CRYBG2: variants seen among roughly 807,000 people sequenced by gnomAD.
CRYBG2 encodes the protein crystallin beta-gamma domain containing 2, also known as beta/gamma crystallin domain-containing protein 2.
In CRYBG2, 106 loss-of-function variants were observed where a neutral mutation model predicts 153.4. That is an observed-to-expected ratio of 0.69 (90% CI 0.59 to 0.81). The LOEUF (loss-of-function observed/expected upper bound fraction) is 0.81. Ranked by LOEUF, CRYBG2 falls within the 30% of genes least tolerant of loss-of-function variation. CRYBG2 has a pLI of 0.00. For synonymous variants in CRYBG2, 851 were observed against 877.8 expected (o/e 0.97, Z 0.54); for missense variants, 1,996 against 2,112.0 (o/e 0.95, Z 1.08).
In CRYBG2 at chr1:26,325,217, A is replaced by T. The variant is rs1235923603; in HGVS notation, c.4579-907T>A. On this transcript the variant is annotated intron_variant, in intron 17 of 19. Transcript: ENST00000308182. This position sits in a 1 kb window ranked among gnomAD's most constrained non-coding sequence, Gnocchi z 4.1. ...ACTACACAAATATCCTTATACAAAG[A>T]TACACACACTGTCAATGGTGTCACA... The T allele has an allele frequency of 6.6e-6, 1 of 152,210 alleles. No homozygotes were observed. Among genetic ancestry groups the T allele is most frequent in the Non-Finnish European group, 1.5e-5 (1 of 68,036 alleles). 9.4% of individuals were successfully genotyped at this position (152,210 alleles called of 1,614,324 possible).
At position 26,346,088 on chromosome 1, in the gene CRYBG2, C is replaced by A; in HGVS notation, c.570G>T (p.Arg190=). The A allele has an allele frequency of 6.3e-7, 1 of 1,578,214 alleles. No homozygotes were observed. The part of the protein sequence containing the change: ...TTTVVGGHVD[R]RMSSSVTVRP... ...TCACAGTCACAGAGCTGCTCATCCG[C>A]CGGTCCACATGACCTCCCACCACTG... The change falls in exon 2 of 20, where the codon CGG becomes CGT. Residue 190 remains arginine, a synonymous_variant. Coordinates refer to ENST00000308182, the MANE Select transcript of CRYBG2 (RefSeq NM_001039775.4). This position sits in a 1 kb window ranked among gnomAD's most constrained non-coding sequence, Gnocchi z 4.9.
chr1:26,323,880 A>G (rs2073889015), intron 18 of CRYBG2, among the ~76,000 whole-genome samples: 1 of 152,162 alleles, frequency 6.6e-6, no homozygotes, highest in Non-Finnish European at 1.5e-5. Context: ...GCCTGGCCAA[A>G]TCTACCATTA....
In CRYBG2 at chr1:26,344,904, C is replaced by A. The variant is rs2074187257; in HGVS notation, c.1754G>T (p.Gly585Val). 2 of 1,536,788 alleles carry A rather than the reference C, an allele frequency of 1.3e-6. No individual in the cohort carries two copies. The highest frequency in any genetic ancestry group is 2.0e-5 in the Admixed American group (1 of 50,878). ...LSTTPKEVVK[G>V]PGAPAASSPT... ...CGATGAGGCAGCAGGAGCACCAGGGCCCTTCACAACCTCTTTTGGGGTGGT... is the reference window on the plus strand; with the variant it reads ...CGATGAGGCAGCAGGAGCACCAGGGACCTTCACAACCTCTTTTGGGGTGGT... The change falls in exon 2 of 20, where the codon GGC (glycine) becomes GTC (valine). Residue 585 changes from glycine (G) to valine (V), a missense_variant. Gly to Val is a moderately radical substitution (Grantham distance 109). Coordinates refer to ENST00000308182, the MANE Select transcript of CRYBG2 (RefSeq NM_001039775.4).
In CRYBG2 at chr1:26,336,926, C is replaced by T. The variant is rs149736171; in HGVS notation, c.3826G>A (p.Gly1276Ser). 43 of 1,613,000 alleles carry T rather than the reference C, an allele frequency of 2.7e-5. No homozygotes were observed. Among genetic ancestry groups the T allele is most frequent in the Admixed American group, 5.0e-5 (3 of 59,860 alleles). Reference protein sequence around the residue: ...LFEAMDFEGHGVEVSKALPDV... With the variant: ...LFEAMDFEGHSVEVSKALPDV... ...GGCAATGCCTTGCTCACCTCCACGC[C>T]GTGCCCCTCGAAGTCCATGGCCTCA... The change falls in exon 11 of 20, where the codon GGC (glycine) becomes AGC (serine). Residue 1276 changes from glycine to serine, a missense_variant. Gly to Ser is a moderately conservative substitution (Grantham distance 56). Transcript: ENST00000308182. This position sits in a 1 kb window ranked among gnomAD's most constrained non-coding sequence, Gnocchi z 4.9.
intron 15 of CRYBG2, among the ~76,000 whole-genome samples, chr1:26,330,424 A>G (rs1408310799): frequency 6.6e-6 from 1 of 151,798 alleles, no homozygotes; most frequent in African/African-American, 2.4e-5. Context: ...GTTACCAACT[A>G]TGTGACCTGG....
intron 15 of CRYBG2, among the ~76,000 whole-genome samples, chr1:26,330,363 A>G (rs1319033206): frequency 6.6e-6 from 1 of 152,070 alleles, no homozygotes; most frequent in Admixed American, 6.6e-5. Flanking sequence ...TGTCATTGCA[A>G]GGGACTTGGA....
chr1:26,331,662 C>T (rs1345505721), intron 14 of CRYBG2, 44 bp from the exon 15 acceptor site: 1 of 1,604,058 alleles, frequency 6.2e-7, no homozygotes, highest in East Asian at 2.2e-5. Context: ...CCTACCTGTC[C>T]TTGGCCTGCC....
intron 1 of CRYBG2, among the ~76,000 whole-genome samples, chr1:26,350,796 G>A (rs1004088261): frequency 3.3e-5 from 5 of 151,986 alleles, no homozygotes; most frequent in African/African-American, 9.7e-5. Flanking sequence ...TGTTCAGCCC[G>A]AGTCTTTGGG....
chr1:26,321,979 G>T lies in CRYBG2; in HGVS notation c.4975C>A (p.His1659Asn). The change falls in exon 20 of 20, where the codon CAC becomes AAC. Residue 1659 changes from histidine to asparagine, a missense_variant. Transcript: ENST00000308182. Reference protein sequence around the residue: ...EDRASQIWTIHVL With the variant: ...EDRASQIWTINVL Reference sequence around the variant, plus strand: ...TGAGGGGAAAAGTTTCAAAGCACGTGGATAGTCCAGATCTGGGATGCCCTG... The same window carrying T: ...TGAGGGGAAAAGTTTCAAAGCACGTTGATAGTCCAGATCTGGGATGCCCTG... The T allele has an allele frequency of 6.3e-7, 1 of 1,586,978 alleles. No homozygotes were observed. The highest frequency in any genetic ancestry group is 8.6e-7 in the Non-Finnish European group (1 of 1,160,488).
chr1:26,336,511 G>GTCC lies in CRYBG2; in HGVS notation c.4038+92_4038+94dup, dbSNP rs1477279604. 8 of 1,545,280 alleles carry GTCC rather than the reference G, an allele frequency of 5.2e-6. No homozygotes were observed. The highest frequency in any genetic ancestry group is 7.0e-6 in the Non-Finnish European group (8 of 1,144,120). On this transcript the variant is annotated intron_variant, in intron 12 of 19. Transcript: ENST00000308182. The surrounding 1 kb of genome is among the most constrained non-coding windows in gnomAD (Gnocchi z 4.9). Reference sequence around the variant, plus strand: ...GGCCCCGCCCCAAGCGCCCAGGCAGGTCCTCCAGCCCGCTACCTCTGCGTG... The same window carrying GTCC: ...GGCCCCGCCCCAAGCGCCCAGGCAGGTCCTCCTCCAGCCCGCTACCTCTGCGTG...
chr1:26,347,716 T>C (rs1293287987), intron 1 of CRYBG2, among the ~76,000 whole-genome samples: 2 of 152,104 alleles, frequency 1.3e-5, no homozygotes, highest in Non-Finnish European at 2.9e-5. Context: ...GGTCTTGATC[T>C]CCTGACCTCA....
rs749296410 is a variant in CRYBG2 at position 26,345,509 on chromosome 1, G to A, written c.1149C>T (p.Leu383=). 2 of 1,594,678 alleles carry A rather than the reference G, an allele frequency of 1.3e-6. No individual in the cohort carries two copies. The highest frequency in any genetic ancestry group is 1.7e-6 in the Non-Finnish European group (2 of 1,169,130). Residue 383 remains leucine, a synonymous_variant, in exon 2 of 20, where the codon CTC becomes CTT. Coordinates refer to ENST00000308182, the MANE Select transcript of CRYBG2 (RefSeq NM_001039775.4). ...PVVPTHPGAR[L]TPLVLPPKKK... ...TTTTAGGGGGCAGAACAAGGGGAGT[G>A]AGCCGGGCCCCGGGGTGAGTGGGCA...
chr1:26,333,995 T>G (rs1219499467), intron 14 of CRYBG2, among the ~76,000 whole-genome samples: 1 of 152,158 alleles, frequency 6.6e-6, no homozygotes, highest in Non-Finnish European at 1.5e-5. Flanking sequence ...ATTAAAAATT[T>G]TTTTGTCAAG....
chr1:26,353,858 G>A (rs1404290696), intron 1 of CRYBG2, among the ~76,000 whole-genome samples, 178 bp downstream of exon 1: 1 of 152,206 alleles, frequency 6.6e-6, no homozygotes, highest in Non-Finnish European at 1.5e-5. Flanking sequence ...GGTTCCAGGA[G>A]GTAGCCTGTG....
At position 26,321,953 on chromosome 1, in the gene CRYBG2, G is replaced by C; in HGVS notation, c.*15C>G. On this transcript the variant is annotated 3_prime_UTR_variant, in exon 20 of 20. Transcript: ENST00000308182. The stretch of plus-strand genomic sequence containing the variant: ...CAGCAAAAGCCTCCAGGGCTGGAGG[G>C]TGAGGGGAAAAGTTTCAAAGCACGT... The C allele has an allele frequency of 1.3e-6, 2 of 1,546,518 alleles. No individual in the cohort carries two copies. Among genetic ancestry groups the C allele is most frequent in the South Asian group, 1.2e-5 (1 of 85,428 alleles).
Position 26,342,890 on chromosome 1 carries a change from G to C in CRYBG2, c.3075-7C>G, listed in dbSNP as rs778163344. ...CTCTTCGTACAGCACCCAGCTGTGG[G>C]CACAGAGATTCCAGGATCACAGATG... On this transcript the variant is annotated splice_region_variant and splice_polypyrimidine_tract_variant and intron_variant, in intron 4 of 19. Transcript: ENST00000308182. 18 of 1,613,952 alleles carry C rather than the reference G, an allele frequency of 1.1e-5. No homozygotes were observed. Among genetic ancestry groups the C allele is most frequent in the Non-Finnish European group, 1.4e-5 (16 of 1,179,938 alleles).
Position 26,337,235 on chromosome 1 carries a change from C to T in CRYBG2, c.3771+18G>A. On this transcript the variant is annotated intron_variant, in intron 10 of 19. Coordinates refer to ENST00000308182, the MANE Select transcript of CRYBG2 (RefSeq NM_001039775.4). Reference sequence around the variant, plus strand: ...CTGTGGCCAGAGGCAGAGGGATGGGCCAATTGCCTTTGCTTACCGTCCGGA... The same window carrying T: ...CTGTGGCCAGAGGCAGAGGGATGGGTCAATTGCCTTTGCTTACCGTCCGGA... 6.2e-7 allele frequency: 1 copy of T among 1,613,540 alleles called. No homozygotes were observed. The highest frequency in any genetic ancestry group is 8.5e-7 in the Non-Finnish European group (1 of 1,179,726).
chr1:26,340,424 A>G (rs1488677198), intron 5 of CRYBG2, among the ~76,000 whole-genome samples: 2 of 152,188 alleles, frequency 1.3e-5, no homozygotes, highest in Non-Finnish European at 2.9e-5. Context: ...GTTGCAACCC[A>G]GCACCTCCCA....
intron 1 of CRYBG2, among the ~76,000 whole-genome samples, chr1:26,352,202 C>T (rs551106863): frequency 2.0e-5 from 3 of 152,230 alleles, no homozygotes; most frequent in South Asian, 2.1e-4. Context: ...CAGGCACAGA[C>T]ACACAGACAG....
Sources: gnomAD v4.1 joint callset for allele counts (sites outside exome capture counted in the v4.1 genomes callset) on GRCh38, gnomAD v4.1.1 for gene constraint, Gnocchi (gnomAD v3.1) non-coding constraint, MANE v1.5 for transcripts, NCBI Gene and HGNC (gene_info 2026-07-23, HGNC 2026-07-21) for gene names.